MINAR2: variants seen among roughly 807,000 people sequenced by gnomAD.
MINAR2 encodes membrane integral NOTCH2 associated receptor 2.
MINAR2 carries 21 observed loss-of-function variants against 16.1 expected under a neutral mutation model. The ratio of observed to expected loss-of-function variants is 1.31; its 90% confidence interval spans 0.93 to 1.88. The LOEUF is 1.88. Among genes scored for constraint, MINAR2 ranks in the 40% most tolerant of loss-of-function variants. MINAR2 has a pLI of 0.00. For missense variants in MINAR2, 259 were observed against 229.8 expected (o/e 1.13, Z -0.82); for synonymous variants, 86 against 83.0 (o/e 1.04, Z -0.20).
chr5:129,765,044 T>A lies in MINAR2; in HGVS notation c.554T>A (p.Ile185Asn). Residue 185 changes from isoleucine to asparagine, a missense_variant, in exon 3 of 3, where the codon ATC becomes AAC. By Grantham distance (149) the Ile-to-Asn change is moderately radical (BLOSUM62 -3). Transcript: ENST00000564719. ...TCCATCTTGGTTACCATAGTGACTA[T>A]CATTACTTTTTTCACCTGAGGAAAC... ...VISILVTIVT[I>N]ITFFT is the part of the protein sequence containing the mutation. The A allele has an allele frequency of 7.7e-7, 1 of 1,300,280 alleles. No individual in the cohort carries two copies. 80.5% of individuals were successfully genotyped at this position (1,300,280 alleles called of 1,614,324 possible).
rs61546560 is a variant in MINAR2 at position 129,766,657 on chromosome 5, C to CAAAAAAAAAAAAA, written c.*1597_*1598insAAAAAAAAAAAAA. 1 of 111,672 alleles carries CAAAAAAAAAAAAA rather than the reference C, an allele frequency of 9.0e-6. No individual in the cohort carries two copies. The highest frequency in any genetic ancestry group is 1.7e-5 in the Non-Finnish European group (1 of 57,176). 6.9% of individuals were successfully genotyped at this position (111,672 alleles called of 1,614,324 possible). ...CATAAAAAAAAAAAAAAAAAAAAAA[C>CAAAAAAAAAAAAA]AAACAAACAAACAAAAAAAACCCCA... On this transcript the variant is annotated 3_prime_UTR_variant, in exon 3 of 3. Coordinates refer to ENST00000564719, the MANE Select transcript of MINAR2 (RefSeq NM_001257308.2).
At chr5:129,749,583 T>TATATG (rs1554113369) in intron 1 of MINAR2, among the ~76,000 whole-genome samples, 2 of 152,168 alleles carry the variant, frequency 1.3e-5, no homozygotes, top group Non-Finnish European at 2.9e-5. Context: ...TTTTAAGTTT[T>TATATG]AAATGAAATG....
In MINAR2 at chr5:129,765,791, T is replaced by G. The variant is rs567645627; in HGVS notation, c.*728T>G. 6.6e-6 allele frequency: 1 copy of G among 152,130 alleles called. No homozygotes were observed. Among genetic ancestry groups the G allele is most frequent in the Non-Finnish European group, 1.5e-5 (1 of 68,022 alleles). The allele number at this position is 152,130 out of a possible 1,614,324, so 9.4% of individuals were successfully genotyped here. On this transcript the variant is annotated 3_prime_UTR_variant, in exon 3 of 3. Transcript: ENST00000564719. ...GGCTGTGACCCCTGGTGGCAGTCAG[T>G]GTGCATATATTACCAACCATGGTCT... is the stretch of plus-strand genomic sequence containing the variant.
intron 1 of MINAR2, among the ~76,000 whole-genome samples, chr5:129,754,891 T>C (rs1758036254): frequency 2.0e-5 from 3 of 152,170 alleles, no homozygotes; most frequent in African/African-American, 7.2e-5. Flanking sequence ...CAAAATTATA[T>C]GGACATTGTG....
Position 129,765,076 on chromosome 5 carries a change from A to G in MINAR2, c.*13A>G. On this transcript the variant is annotated 3_prime_UTR_variant, in exon 3 of 3. Coordinates refer to ENST00000564719, the MANE Select transcript of MINAR2 (RefSeq NM_001257308.2). ...TTTTTTCACCTGAGGAAACTGCAAC[A>G]ATCAGAGCTACTTTAAATTTCCTAA... 8.0e-7 allele frequency: 1 copy of G among 1,256,726 alleles called. No individual in the cohort carries two copies. The highest frequency in any genetic ancestry group is 3.4e-5 in the South Asian group (1 of 29,182). The allele number at this position is 1,256,726 out of a possible 1,614,324, so 77.8% of individuals were successfully genotyped here. A position where few individuals can be genotyped will look rare whatever the true frequency, so the allele number is the denominator to read the frequency against.
At chr5:129,758,015 T>C (rs1581291554) in intron 1 of MINAR2, among the ~76,000 whole-genome samples, 1 of 152,016 alleles carries the variant, frequency 6.6e-6, no homozygotes, top group East Asian at 1.9e-4. Context: ...AAATGCCTTC[T>C]ATCTCACTCT....
chr5:129,749,891 G>A (rs1209089344), intron 1 of MINAR2, among the ~76,000 whole-genome samples: 2 of 152,304 alleles, frequency 1.3e-5, no homozygotes, highest in East Asian at 1.9e-4. Context: ...GCCCCATTGG[G>A]TGGAAATAGT....
At chr5:129,748,514 C>G (rs1427327151) in intron 1 of MINAR2, among the ~76,000 whole-genome samples, 159 bp downstream of exon 1, 1 of 152,162 alleles carries the variant, frequency 6.6e-6, no homozygotes, top group African/African-American at 2.4e-5. Flanking sequence ...ACATTAGGAA[C>G]TTTTCTTTAA....
intron 1 of MINAR2, among the ~76,000 whole-genome samples, chr5:129,752,835 G>A (rs377755254): frequency 3.3e-5 from 5 of 151,242 alleles, no homozygotes; most frequent in African/African-American, 7.3e-5. Context: ...GCAGTTGCAC[G>A]TCAGAATATT....
At chr5:129,756,933 G>GT (rs1758061023) in intron 1 of MINAR2, among the ~76,000 whole-genome samples, 1 of 28,264 alleles carries the variant, frequency 3.5e-5, no homozygotes, top group Non-Finnish European at 6.2e-5. Flanking sequence ...GCTTTCCACA[G>GT]TAAAAAAAAA....
Position 129,764,882 on chromosome 5 carries a change from A to C in MINAR2, c.394-2A>C. 7.7e-7 allele frequency: 1 copy of C among 1,303,880 alleles called. No individual in the cohort carries two copies. The highest frequency in any genetic ancestry group is 9.8e-7 in the Non-Finnish European group (1 of 1,023,990). The allele number at this position is 1,303,880 out of a possible 1,614,324, so 80.8% of individuals were successfully genotyped here. On this transcript the variant is annotated splice_acceptor_variant, in intron 2 of 2. Coordinates refer to ENST00000564719, the MANE Select transcript of MINAR2 (RefSeq NM_001257308.2). LOFTEE classifies it high-confidence loss of function. Reference sequence around the variant, plus strand: ...CATATTCTCTATGTAATTTTCTTTTAGGAAAATCCTAATGACCTGCGGTTT... The same window carrying C: ...CATATTCTCTATGTAATTTTCTTTTCGGAAAATCCTAATGACCTGCGGTTT...
At chr5:129,761,134 T>C (rs1463695092) in intron 2 of MINAR2, among the ~76,000 whole-genome samples, 1 of 152,190 alleles carries the variant, frequency 6.6e-6, no homozygotes, top group East Asian at 1.9e-4. Flanking sequence ...ACAAAAACAT[T>C]TCAACACAGG....
chr5:129,755,782 C>T (rs1188816236), intron 1 of MINAR2, among the ~76,000 whole-genome samples: 2 of 151,988 alleles, frequency 1.3e-5, no homozygotes, highest in Non-Finnish European at 2.9e-5. Context: ...TTATCTTCTC[C>T]ATTGTATATA....
At chr5:129,764,803 T>A (rs1219136435) in intron 2 of MINAR2, 81 bp from the exon 3 acceptor site, 1 of 712,970 alleles carries the variant, frequency 1.4e-6, no homozygotes, top group Non-Finnish European at 2.0e-6. Flanking sequence ...CCCATGACAG[T>A]GTCTTGTTCT....
intron 1 of MINAR2, among the ~76,000 whole-genome samples, chr5:129,749,157 A>G (rs1046960976): frequency 6.6e-6 from 1 of 152,218 alleles, no homozygotes; most frequent in African/African-American, 2.4e-5. Flanking sequence ...TGGGGTTAAG[A>G]GTTAGTCAAT....
Position 129,760,462 on chromosome 5 carries a change from A to T in MINAR2, c.250A>T (p.Met84Leu), listed in dbSNP as rs1187258505. 27 of 1,535,824 alleles carry T rather than the reference A, an allele frequency of 1.8e-5. No homozygotes were observed. The highest frequency in any genetic ancestry group is 2.3e-5 in the Non-Finnish European group (26 of 1,146,588). ...LVTADSPPPS[M>L]SSVMKNNPLY... The stretch of plus-strand genomic sequence containing the variant: ...CACTGCTGATAGCCCCCCACCATCC[A>T]TGTCATCAGTTATGAAGAATAACCC... The change falls in exon 2 of 3, where the codon ATG becomes TTG. Residue 84 changes from methionine to leucine, a missense_variant. Transcript: ENST00000564719.
At position 129,764,233 on chromosome 5, in the gene MINAR2, G is replaced by A. The variant is rs118190609; in HGVS notation, c.394-651G>A. Among the ~76,000 whole-genome samples, 123 of 152,298 alleles carry A rather than the reference G, an allele frequency of 8.1e-4. 2 individuals carry two copies. In the East Asian group the frequency reaches 0.018, roughly 22 times the overall value. On this transcript the variant is annotated intron_variant, in intron 2 of 2. Coordinates refer to ENST00000564719, the MANE Select transcript of MINAR2 (RefSeq NM_001257308.2). Reference sequence around the variant, plus strand: ...AGAGAGACATGGGGAATAAATAAGAGCTGATGTGGGGAAGAATATAATGGG... The same window carrying A: ...AGAGAGACATGGGGAATAAATAAGAACTGATGTGGGGAAGAATATAATGGG...
In MINAR2 at chr5:129,760,689, AG is replaced by A; in HGVS notation, c.393+86del. ...TAAAAGAAAGCAATATTGAAGTGAC[AG>A]GTACTCTTCACTAGGCGCAGAATCT... is the stretch of plus-strand genomic sequence containing the variant. On this transcript the variant is annotated intron_variant, in intron 2 of 2. Coordinates refer to ENST00000564719, the MANE Select transcript of MINAR2 (RefSeq NM_001257308.2). The A allele has an allele frequency of 4.7e-6, 5 of 1,053,660 alleles. No individual in the cohort carries two copies. The South Asian group carries it at 7.9e-5, about 17-fold the overall frequency. The allele number at this position is 1,053,660 out of a possible 1,614,324, so 65.3% of individuals were successfully genotyped here. A position where few individuals can be genotyped will look rare whatever the true frequency, so the allele number is the denominator to read the frequency against.
intron 1 of MINAR2, among the ~76,000 whole-genome samples, chr5:129,749,904 T>C (rs1463762601): frequency 6.6e-6 from 1 of 152,214 alleles, no homozygotes; most frequent in Non-Finnish European, 1.5e-5. Context: ...GAAATAGTTA[T>C]TCAAAGAAAA....
Sources: allele counts gnomAD v4.1 joint callset (sites outside exome capture counted in the v4.1 genomes callset), GRCh38; gene constraint gnomAD v4.1.1; transcripts MANE v1.5; gene names NCBI Gene and HGNC (gene_info 2026-07-23, HGNC 2026-07-21).